NCOA6: variants seen among roughly 807,000 people sequenced by gnomAD.
The protein encoded by NCOA6 is nuclear receptor coactivator 6, also known as NRC RAP250.
In NCOA6, 49 loss-of-function variants were observed where a neutral mutation model predicts 171.4. The observed-to-expected ratio is 0.29, with a 90% CI of 0.23 to 0.36. NCOA6 has a LOEUF of 0.36. Among genes scored for constraint, NCOA6 ranks in the 10% least tolerant of loss-of-function variants. The pLI is 1.00. For missense variants in NCOA6, 2,248 were observed against 2,554.5 expected (o/e 0.88, Z 2.59); for synonymous variants, 910 against 927.5 (o/e 0.98, Z 0.34).
intron 2 of NCOA6, among the ~76,000 whole-genome samples, chr20:34,790,102 C>G (rs144598501): frequency 6.7e-6 from 1 of 148,732 alleles, no homozygotes; most frequent in Non-Finnish European, 1.5e-5. Context: ...TTAAGAATAA[C>G]TCTAAATTAC....
intron 9 of NCOA6, among the ~76,000 whole-genome samples, chr20:34,747,842 T>A (rs1343986639): frequency 6.6e-6 from 1 of 152,164 alleles, no homozygotes; most frequent in Non-Finnish European, 1.5e-5. Flanking sequence ...TCACTTTAAA[T>A]TACAGGCAAG....
chr20:34,743,728 G>A (rs2076221638), intron 10 of NCOA6, among the ~76,000 whole-genome samples: 1 of 152,222 alleles, frequency 6.6e-6, no homozygotes, highest in Non-Finnish European at 1.5e-5. Context: ...CAGGTCTCAT[G>A]TAGTCATAAT....
chr20:34,768,378 C>T, intron 5 of NCOA6, 86 bp downstream of exon 5: 1 of 1,526,158 alleles, frequency 6.6e-7, no homozygotes, highest in South Asian at 1.2e-5. Flanking sequence ...GCCATGAACC[C>T]CCACCTATCT....
chr20:34,747,626 ACTTTT>A (rs920688920), intron 9 of NCOA6, among the ~76,000 whole-genome samples: 44 of 152,136 alleles, frequency 2.9e-4, no homozygotes, highest in Admixed American at 7.9e-4. Flanking sequence ...TACTAATTGT[ACTTTT>A]CTTTTCTATC....
At chr20:34,821,795 G>A (rs1423036149) in intron 1 of NCOA6, among the ~76,000 whole-genome samples, 1 of 152,062 alleles carries the variant, frequency 6.6e-6, no homozygotes, top group African/African-American at 2.4e-5. Context: ...CACCATGTTA[G>A]CCAGGATGGT....
chr20:34,783,074 G>C (rs2077557390), intron 2 of NCOA6, among the ~76,000 whole-genome samples: 1 of 152,180 alleles, frequency 6.6e-6, no homozygotes, highest in Non-Finnish European at 1.5e-5. Flanking sequence ...TTGAGGTCAG[G>C]AGTTTGAGAC....
intron 1 of NCOA6, among the ~76,000 whole-genome samples, chr20:34,813,817 G>A (rs980954803): frequency 6.6e-6 from 1 of 152,012 alleles, no homozygotes; most frequent in Admixed American, 6.6e-5. Context: ...CCACAAAACT[G>A]AAGAACTGCT....
intron 5 of NCOA6, among the ~76,000 whole-genome samples, chr20:34,759,548 A>AT (rs1450301168): frequency 6.6e-6 from 1 of 152,026 alleles, no homozygotes. Context: ...GTAGATAAAC[A>AT]TTTTTTGTAT....
At chr20:34,805,965 C>T (rs554818352) in intron 1 of NCOA6, among the ~76,000 whole-genome samples, 2 of 152,148 alleles carry the variant, frequency 1.3e-5, no homozygotes, top group African/African-American at 2.4e-5. Flanking sequence ...GGATTACAGG[C>T]GTGAGCCACT....
chr20:34,820,125 AG>A (rs768058447), intron 1 of NCOA6: 3 of 152,310 alleles, frequency 2.0e-5, no homozygotes, highest in Admixed American at 6.5e-5. Context: ...GGCTGGGCAC[AG>A]TAGCTCACAC....
chr20:34,778,065 C>T (rs148514288), intron 3 of NCOA6, among the ~76,000 whole-genome samples: 3 of 152,118 alleles, frequency 2.0e-5, no homozygotes, highest in African/African-American at 7.2e-5. Flanking sequence ...CCACCACGCC[C>T]AGCTAATTTT....
chr20:34,778,501 C>T (rs1260185682), intron 3 of NCOA6, among the ~76,000 whole-genome samples: 1 of 150,860 alleles, frequency 6.6e-6, no homozygotes, highest in Non-Finnish European at 1.5e-5. Flanking sequence ...AATCTTGGCT[C>T]GCTGCAACCT....
chr20:34,715,303 A>G lies in NCOA6; in HGVS notation c.*19T>C, dbSNP rs764845040. The G allele has an allele frequency of 1.2e-6, 2 of 1,613,914 alleles. No homozygotes were observed. The highest frequency in any genetic ancestry group is 1.7e-6 in the Non-Finnish European group (2 of 1,179,818). ...AAAGTCACACACATTTCCAAGTATC[A>G]AGTCGCAGTCCTGCTTGTTTACTTG... On this transcript the variant is annotated 3_prime_UTR_variant, in exon 15 of 15. Coordinates refer to ENST00000359003, the MANE Select transcript of NCOA6 (RefSeq NM_014071.5).
At chr20:34,786,835 TTAAAGACTTAAA>T (rs1302858326) in intron 2 of NCOA6, among the ~76,000 whole-genome samples, 1 of 152,032 alleles carries the variant, frequency 6.6e-6, no homozygotes, top group Admixed American at 6.6e-5. Context: ...TCAAAATGGA[TTAAAGACTTAAA>T]TGTAAAACCC....
At chr20:34,754,639 C>T (rs752741401) in intron 8 of NCOA6, 83 bp downstream of exon 8, 2 of 1,526,584 alleles carry the variant, frequency 1.3e-6, no homozygotes, top group Non-Finnish European at 1.8e-6. Flanking sequence ...AGACTTATTA[C>T]TTATCTGTAT....
In NCOA6 at chr20:34,754,819, C is replaced by G. The variant is rs1179895438; in HGVS notation, c.1578G>C (p.Pro526=). Residue 526 remains proline, a synonymous_variant, in exon 8 of 15, where the codon CCG becomes CCC. Transcript: ENST00000359003. ...PPGFSAGQAN[P]NFMQGQVPST... The stretch of plus-strand genomic sequence containing the variant: ...AAGGCACCTGACCTTGCATAAAGTT[C>G]GGATTGGCCTGTCCTGCTGAGAAGC... 3.1e-6 allele frequency: 5 copies of G among 1,613,996 alleles called. No individual in the cohort carries two copies. The highest frequency in any genetic ancestry group is 4.2e-6 in the Non-Finnish European group (5 of 1,180,022).
chr20:34,825,623 G>A lies in NCOA6; in HGVS notation c.-315C>T, dbSNP rs1029883657. ...GGCCGCCCGCAGCCCGACCCGGCAG[G>A]GCCTCACGGAGCCGGCGGGGAGGGG... On this transcript the variant is annotated 5_prime_UTR_variant, in exon 1 of 15. Coordinates refer to ENST00000359003, the MANE Select transcript of NCOA6 (RefSeq NM_014071.5). 9.2e-5 allele frequency: 14 copies of A among 151,644 alleles called. No individual in the cohort carries two copies. Among genetic ancestry groups the A allele is most frequent in the Non-Finnish European group, 1.3e-4 (9 of 67,846 alleles). 9.4% of individuals were successfully genotyped at this position (151,644 alleles called of 1,614,324 possible).
At chr20:34,719,415 G>A (rs775679321) in intron 14 of NCOA6, among the ~76,000 whole-genome samples, 2 of 152,156 alleles carry the variant, frequency 1.3e-5, no homozygotes, top group Non-Finnish European at 2.9e-5. Flanking sequence ...CAGATCACTT[G>A]AGGTCAGGAG....
At position 34,757,276 on chromosome 20, in the gene NCOA6, A is replaced by T. The variant is rs1201307002; in HGVS notation, c.1472T>A (p.Val491Glu). ...CTGGTTTGGTGGTTGCTGCTGCATC[A>T]CCATGAAGTTAGGTGGCACATTTCC... ...QQGNVPPNFM[V>E]MQQQPPNQGP... The change falls in exon 7 of 15, where the codon GTG becomes GAG. Residue 491 changes from valine to glutamate, a missense_variant. Around this residue, in one of 7 missense-constraint regions of NCOA6, gnomAD observed 987 missense variants for 1,104.7 expected, o/e 0.89. Transcript: ENST00000359003. 15 of 1,612,296 alleles carry T rather than the reference A, an allele frequency of 9.3e-6. No individual in the cohort carries two copies. The highest frequency in any genetic ancestry group is 1.2e-5 in the Non-Finnish European group (14 of 1,179,020).
Sources: allele counts gnomAD v4.1 joint callset (sites outside exome capture counted in the v4.1 genomes callset), GRCh38; gene constraint gnomAD v4.1.1; regional missense constraint gnomAD v4.1.1; transcripts MANE v1.5; gene names NCBI Gene and HGNC (gene_info 2026-07-23, HGNC 2026-07-21).